DZIP3: variants seen among roughly 807,000 people sequenced by gnomAD.
DZIP3 encodes DAZ interacting zinc finger protein 3.
In DZIP3, 118 loss-of-function variants were observed where a neutral mutation model predicts 162.0. The observed-to-expected ratio is 0.73, with a 90% CI of 0.63 to 0.85. DZIP3 has a LOEUF of 0.85. Ranked by LOEUF, DZIP3 falls within the 40% of genes least tolerant of loss-of-function variation. The pLI, the probability that DZIP3 is intolerant of heterozygous loss-of-function variation, is 0.00. For missense variants in DZIP3, 1,331 were observed against 1,407.0 expected (o/e 0.95, Z 0.86); for synonymous variants, 438 against 458.6 (o/e 0.96, Z 0.57).
Position 108,631,055 on chromosome 3 carries a change from A to ACACACACACACACACACATACACTCT in DZIP3, c.696+1880_696+1881insACACACACACACACACATACACTCTC. On this transcript the variant is annotated intron_variant, in intron 8 of 32. Transcript: ENST00000361582. Reference sequence around the variant, plus strand: ...CACACACACACACACACACACACACACTCTCTCTCTCTCTCTCTCTCTCTC... The same window carrying ACACACACACACACACACATACACTCT: ...CACACACACACACACACACACACACACACACACACACACACACATACACTCTCTCTCTCTCTCTCTCTCTCTCTCTC... 2.4e-3 allele frequency among the ~76,000 whole-genome samples: 43 copies of ACACACACACACACACACATACACTCT among 18,016 alleles called. 2 individuals carry two copies. Among genetic ancestry groups the ACACACACACACACACACATACACTCT allele is most frequent in the Non-Finnish European group, 3.1e-3 (35 of 11,162 alleles). The allele number at this position is 18,016 out of a possible 152,430, so 11.8% of individuals were successfully genotyped here.
chr3:108,652,130 A>G (rs575952643), intron 18 of DZIP3, among the ~76,000 whole-genome samples: 1 of 151,762 alleles, frequency 6.6e-6, no homozygotes, highest in Non-Finnish European at 1.5e-5. Flanking sequence ...TCACTTTGCC[A>G]TTTTGCTTAC....
At chr3:108,658,039 TGGGAG>T (rs775728116) in intron 19 of DZIP3, among the ~76,000 whole-genome samples, 22,761 of 151,982 alleles carry the variant, frequency 0.15, 2,025 homozygotes, top group Non-Finnish European at 0.22. Flanking sequence ...ACAATAATCA[TGGGAG>T]ACTTTAACAC....
At chr3:108,626,630 A>G (rs968808922) in intron 7 of DZIP3, among the ~76,000 whole-genome samples, 2 of 152,218 alleles carry the variant, frequency 1.3e-5, no homozygotes, top group Admixed American at 1.3e-4. Context: ...CTAAGTATCC[A>G]TTATATTCCA....
At chr3:108,670,082 G>A (rs191566663) in intron 22 of DZIP3, among the ~76,000 whole-genome samples, 190 of 151,830 alleles carry the variant, frequency 1.3e-3, no homozygotes, top group African/African-American at 4.4e-3. Context: ...TTATGAAACT[G>A]GCCAAGTTTT....
rs554370517 is a variant in DZIP3 at position 108,593,440 on chromosome 3, C to A, written c.-73+3601C>A. On this transcript the variant is annotated intron_variant, in intron 1 of 32. Coordinates refer to ENST00000361582, the MANE Select transcript of DZIP3 (RefSeq NM_014648.4). ...TTCAGGATTTTATTATATACCTGTT[C>A]ATAAGTGAGCATTTTCAGTAATATT... 1.4e-4 allele frequency among the ~76,000 whole-genome samples: 21 copies of A among 152,036 alleles called. 1 individual carries two copies. Among genetic ancestry groups the A allele is most frequent in the Admixed American group, 9.8e-4 (15 of 15,284 alleles).
At chr3:108,675,749 GAA>G in intron 24 of DZIP3, 35 bp from the exon 25 acceptor site, 1 of 1,563,120 alleles carries the variant, frequency 6.4e-7, no homozygotes, top group African/African-American at 1.4e-5. Context: ...GTTATAAAAA[GAA>G]AGAGTTTTCT....
intron 31 of DZIP3, 136 bp from the exon 32 acceptor site, chr3:108,690,651 T>C: frequency 1.4e-6 from 1 of 690,552 alleles, no homozygotes; most frequent in Non-Finnish European, 2.4e-6. Flanking sequence ...TTGCAGCAAT[T>C]GGTTTGACGA....
intron 5 of DZIP3, among the ~76,000 whole-genome samples, chr3:108,618,543 C>T (rs1941139867): frequency 6.6e-6 from 1 of 152,162 alleles, no homozygotes; most frequent in South Asian, 2.1e-4. Flanking sequence ...ATGGTCTGAA[C>T]TACTGCCTCT....
At position 108,608,131 on chromosome 3, in the gene DZIP3, T is replaced by C. The variant is rs1393463979; in HGVS notation, c.75T>C (p.Asn25=). The C allele has an allele frequency of 6.2e-7, 1 of 1,613,032 alleles. No individual in the cohort carries two copies. The highest frequency in any genetic ancestry group is 8.5e-7 in the Non-Finnish European group (1 of 1,179,436). ...VEDQRKEETE[N]KLEKSSGQLN... The stretch of plus-strand genomic sequence containing the variant: ...ATCAGAGGAAGGAAGAAACTGAGAA[T>C]AAGCTAGAAAAATCATCTGGTCAAC... Residue 25 remains asparagine, a synonymous_variant, in exon 3 of 33, where the codon AAT becomes AAC. Transcript: ENST00000361582.
intron 5 of DZIP3, among the ~76,000 whole-genome samples, chr3:108,618,996 G>A (rs1941176180): frequency 6.9e-6 from 1 of 144,680 alleles, no homozygotes; most frequent in Non-Finnish European, 1.5e-5. Context: ...AGGAGGCAGA[G>A]GTTGCAGGGA....
In DZIP3 at chr3:108,688,746, A is replaced by T; in HGVS notation, c.3414+10A>T. On this transcript the variant is annotated intron_variant, in intron 30 of 32. Transcript: ENST00000361582. ...AGGAGCCAGTAATCCAGTGAGACTG[A>T]AATTTTTGATTCTGAACACATTTAG... 6.2e-7 allele frequency: 1 copy of T among 1,613,854 alleles called. No individual in the cohort carries two copies. The highest frequency in any genetic ancestry group is 1.3e-5 in the African/African-American group (1 of 74,996).
chr3:108,658,457 A>C lies in DZIP3; in HGVS notation c.2200-3420A>C, dbSNP rs1255017134. Among the ~76,000 whole-genome samples the C allele has an allele frequency of 4.5e-4, 68 of 152,262 alleles. No homozygotes were observed. In the East Asian group the frequency reaches 8.3e-3, roughly 19 times the overall value. ...TTGAAACCAACGAGAACAAAGACAC[A>C]ACATACCAGAATCTCTGGGACACAT... On this transcript the variant is annotated intron_variant, in intron 19 of 32. Transcript: ENST00000361582.
chr3:108,610,592 C>G (rs1940649545), intron 3 of DZIP3, among the ~76,000 whole-genome samples: 3 of 152,162 alleles, frequency 2.0e-5, no homozygotes, highest in Non-Finnish European at 4.4e-5. Context: ...CTAGAATTCC[C>G]ACAGAGTATA....
rs1291842613 is a variant in DZIP3, at chr3:108,693,551, CT to C, written c.*199del. The C allele has an allele frequency of 6.6e-6, 1 of 152,102 alleles. No individual in the cohort carries two copies. The highest frequency in any genetic ancestry group is 1.5e-5 in the Non-Finnish European group (1 of 68,024). 9.4% of individuals were successfully genotyped at this position (152,102 alleles called of 1,614,324 possible). The stretch of plus-strand genomic sequence containing the variant: ...CCATAGAAATGCTATAAGTGAAGAC[CT>C]ACCTTTCCCTTAAGAGCTAGTTGTT... On this transcript the variant is annotated 3_prime_UTR_variant, in exon 33 of 33. Transcript: ENST00000361582.
At chr3:108,668,505 A>G (rs1303778498) in intron 21 of DZIP3, among the ~76,000 whole-genome samples, 2 of 151,938 alleles carry the variant, frequency 1.3e-5, no homozygotes, top group Non-Finnish European at 2.9e-5. Context: ...CTTATTGCCC[A>G]CTCTAAACTA....
chr3:108,694,523 G>A lies in DZIP3; in HGVS notation c.*1170G>A. The A allele has an allele frequency of 6.2e-6, 1 of 160,342 alleles. No individual in the cohort carries two copies. The highest frequency in any genetic ancestry group is 1.3e-5 in the Non-Finnish European group (1 of 74,718). 9.9% of individuals were successfully genotyped at this position (160,342 alleles called of 1,614,324 possible). A position where few individuals can be genotyped will look rare whatever the true frequency, so the allele number is the denominator to read the frequency against. ...GGAGCAAGTCACATCTTACATGGAT[G>A]GCAGCAGACAAGGAGAGAGAGCTTG... On this transcript the variant is annotated 3_prime_UTR_variant, in exon 33 of 33. Coordinates refer to ENST00000361582, the MANE Select transcript of DZIP3 (RefSeq NM_014648.4).
intron 12 of DZIP3, among the ~76,000 whole-genome samples, chr3:108,641,525 A>G (rs944287205): frequency 5.3e-5 from 8 of 152,214 alleles, no homozygotes; most frequent in Non-Finnish European, 1.0e-4. Flanking sequence ...CGCTAGGTCA[A>G]TATGAGCAGA....
rs775060621 is a variant in DZIP3 at position 108,654,302 on chromosome 3, A to G, written c.2191A>G (p.Ile731Val). 6.2e-7 allele frequency: 1 copy of G among 1,613,654 alleles called. No individual in the cohort carries two copies. The highest frequency in any genetic ancestry group is 1.1e-5 in the South Asian group (1 of 91,080). ...GGATGAATTGCATATTCTGGACATG[A>G]TAGAGCAGGTAAGCATGATTAGAGA... ...SLDELHILDM[I>V]EQGSAGKVTT... Residue 731 changes from isoleucine (I) to valine (V), a missense_variant, in exon 19 of 33, where the codon ATA becomes GTA. By Grantham distance (29) the Ile-to-Val change is conservative. Transcript: ENST00000361582.
At chr3:108,657,557 G>A (rs535147588) in intron 19 of DZIP3, among the ~76,000 whole-genome samples, 1,757 of 152,196 alleles carry the variant, frequency 0.012, 48 homozygotes, top group African/African-American at 0.039. Context: ...AAAGACCATC[G>A]AGGCTAGGAA....
Sources: gnomAD v4.1 joint callset for allele counts (sites outside exome capture counted in the v4.1 genomes callset) on GRCh38, gnomAD v4.1.1 for gene constraint, MANE v1.5 for transcripts, NCBI Gene and HGNC (gene_info 2026-07-23, HGNC 2026-07-21) for gene names.